Variants in GULP1 observed in about 807,000 individuals in gnomAD.
The protein encoded by GULP1 is GULP PTB domain containing engulfment adaptor 1, also known as PTB domain-containing engulfment adapter protein 1.
A neutral mutation model predicts 40.9 loss-of-function variants in GULP1; 19 were observed. That is an observed-to-expected ratio of 0.46 (90% CI 0.32 to 0.68). GULP1 has a LOEUF of 0.68. GULP1 is among the 30% of genes least tolerant of loss of function. The pLI, the probability that GULP1 is intolerant of heterozygous loss-of-function variation, is 0.03. For synonymous variants in GULP1, 119 were observed against 117.6 expected (o/e 1.01, Z -0.08); for missense variants, 312 against 362.2 (o/e 0.86, Z 1.12).
chr2:188,323,415 A>G (rs771798217), intron 1 of GULP1, among the ~76,000 whole-genome samples: 5 of 151,944 alleles, frequency 3.3e-5, no homozygotes, highest in Non-Finnish European at 7.4e-5. Flanking sequence ...TTTATATTCT[A>G]GGGACTCCAC....
intron 1 of GULP1, among the ~76,000 whole-genome samples, chr2:188,317,119 C>G (rs973376575): frequency 6.6e-6 from 1 of 152,090 alleles, no homozygotes; most frequent in Admixed American, 6.6e-5. Flanking sequence ...GAAAACAAGC[C>G]AAACTCTCCC....
intron 7 of GULP1, among the ~76,000 whole-genome samples, chr2:188,563,483 A>C (rs1350153337): frequency 6.7e-6 from 1 of 150,190 alleles, no homozygotes; most frequent in Non-Finnish European, 1.5e-5. Flanking sequence ...AAAATTACAT[A>C]CAAATATTTA....
At chr2:188,488,072 G>A (rs1041083196) in intron 4 of GULP1, among the ~76,000 whole-genome samples, 7 of 152,002 alleles carry the variant, frequency 4.6e-5, no homozygotes, top group African/African-American at 1.4e-4. Flanking sequence ...CCCTTAGTTG[G>A]TTGAAAACCA....
intron 1 of GULP1, among the ~76,000 whole-genome samples, chr2:188,361,729 T>C (rs2046117626): frequency 6.6e-6 from 1 of 152,076 alleles, no homozygotes; most frequent in Admixed American, 6.6e-5. Flanking sequence ...CTATTCAGCT[T>C]TTAATGACCT....
chr2:188,481,715 G>A (rs912437421), intron 3 of GULP1, among the ~76,000 whole-genome samples: 31 of 151,832 alleles, frequency 2.0e-4, no homozygotes, highest in African/African-American at 5.1e-4. Flanking sequence ...TTTAGTCAGC[G>A]TTTACATACT....
chr2:188,513,241 A>G (rs2064787103), intron 4 of GULP1, among the ~76,000 whole-genome samples: 1 of 152,168 alleles, frequency 6.6e-6, no homozygotes, highest in Non-Finnish European at 1.5e-5. Flanking sequence ...CTTTCATTAT[A>G]TAGACTAATA....
At chr2:188,296,700 A>T (rs989997240) in intron 1 of GULP1, among the ~76,000 whole-genome samples, 1 of 152,092 alleles carries the variant, frequency 6.6e-6, no homozygotes, top group Non-Finnish European at 1.5e-5. Context: ...ATGGCTTTTT[A>T]AAGGAAGTTT....
intron 10 of GULP1, among the ~76,000 whole-genome samples, chr2:188,585,446 C>T (rs1460982129): frequency 6.6e-6 from 1 of 152,214 alleles, no homozygotes; most frequent in Non-Finnish European, 1.5e-5. Context: ...GGCTCTGCTC[C>T]TGCCACAGAC....
At chr2:188,540,483 C>T (rs1049079743) in intron 6 of GULP1, among the ~76,000 whole-genome samples, 1 of 151,236 alleles carries the variant, frequency 6.6e-6, no homozygotes, top group Non-Finnish European at 1.5e-5. Context: ...GCAACTATAT[C>T]GATCTGGTTG....
chr2:188,557,000 G>A (rs1436475051), intron 7 of GULP1, among the ~76,000 whole-genome samples: 1 of 151,688 alleles, frequency 6.6e-6, no homozygotes, highest in Non-Finnish European at 1.5e-5. Context: ...CTCCAGCCTG[G>A]GTGACAGAGC....
intron 7 of GULP1, among the ~76,000 whole-genome samples, chr2:188,564,237 T>C (rs937097742): frequency 4.0e-5 from 6 of 151,818 alleles, no homozygotes; most frequent in African/African-American, 1.4e-4. Flanking sequence ...CTATTTAACG[T>C]GGTATTAGGT....
chr2:188,344,192 A>G (rs2043324358), intron 1 of GULP1, among the ~76,000 whole-genome samples: 1 of 152,230 alleles, frequency 6.6e-6, no homozygotes, highest in African/African-American at 2.4e-5. Flanking sequence ...TTGATTAGAA[A>G]GAAGGAATGA....
intron 2 of GULP1, among the ~76,000 whole-genome samples, chr2:188,450,805 G>A (rs2152918198): frequency 6.6e-6 from 1 of 152,250 alleles, no homozygotes; most frequent in African/African-American, 2.4e-5. Flanking sequence ...GGGACCCACA[G>A]AAGCAAGAGT....
intron 9 of GULP1, chr2:188,582,361 T>C (rs900013499): frequency 6.4e-6 from 3 of 471,150 alleles, no homozygotes; most frequent in African/African-American, 6.0e-5. Flanking sequence ...ATATGTCTGA[T>C]CATGAACAAC....
chr2:188,365,441 C>T (rs2046659443), intron 1 of GULP1, among the ~76,000 whole-genome samples: 1 of 152,108 alleles, frequency 6.6e-6, no homozygotes, highest in South Asian at 2.1e-4. Context: ...CTAATATTTG[C>T]TTATGAGGCA....
chr2:188,294,818 G>A (rs2034574085), intron 1 of GULP1, among the ~76,000 whole-genome samples: 1 of 152,122 alleles, frequency 6.6e-6, no homozygotes, highest in African/African-American at 2.4e-5. Context: ...AATGTTAATA[G>A]GCTTTTCGAC....
In GULP1 at chr2:188,594,889, A is replaced by G. The variant is rs1202512555; in HGVS notation, c.*878A>G. On this transcript the variant is annotated 3_prime_UTR_variant, in exon 12 of 12. Transcript: ENST00000409830. ...TATTTCTCCTCACTGCATAAGGACT[A>G]CTCTTCTCATATTTTCTTCTTTGAT... The G allele has an allele frequency of 2.6e-5, 4 of 151,346 alleles. No individual in the cohort carries two copies. The highest frequency in any genetic ancestry group is 4.4e-5 in the Non-Finnish European group (3 of 67,674). The allele number at this position is 151,346 out of a possible 1,614,324, so 9.4% of individuals were successfully genotyped here.
chr2:188,516,543 G>C (rs2065191661), intron 4 of GULP1, among the ~76,000 whole-genome samples: 1 of 152,010 alleles, frequency 6.6e-6, no homozygotes, highest in African/African-American at 2.4e-5. Context: ...GAAAGTGATT[G>C]ATAGTGTTCT....
At chr2:188,427,526 C>T (rs1231726826) in intron 2 of GULP1, among the ~76,000 whole-genome samples, 6 of 152,180 alleles carry the variant, frequency 3.9e-5, no homozygotes, top group African/African-American at 1.4e-4. Context: ...ACACTGCTCC[C>T]TACATCTCAG....
Sources: gnomAD v4.1 joint callset for allele counts (sites outside exome capture counted in the v4.1 genomes callset) on GRCh38, gnomAD v4.1.1 for gene constraint, MANE v1.5 for transcripts, NCBI Gene and HGNC (gene_info 2026-07-23, HGNC 2026-07-21) for gene names.